Variants in OLAH observed in about 807,000 individuals in gnomAD.
OLAH encodes the protein oleoyl-ACP hydrolase.
Under a neutral mutation model 27.8 loss-of-function variants are expected in OLAH, and 33 were observed. That is an observed-to-expected ratio of 1.19 (90% CI 0.90 to 1.59). The LOEUF (loss-of-function observed/expected upper bound fraction) is 1.59. OLAH is among the 40% of genes most tolerant of loss of function. The probability of loss-of-function intolerance (pLI) is 0.00; values close to 1 mark genes in which losing one functional copy is unlikely to be tolerated. For synonymous variants in OLAH, 120 were observed against 102.9 expected, an observed-to-expected ratio of 1.17 and a Z score of -1.01; for missense variants, 359 against 310.8, an observed-to-expected ratio of 1.16 and a Z score of -1.17.
Position 15,073,035 on chromosome 10 carries a change from A to C in OLAH, c.656-52A>C, listed in dbSNP as rs1179359107. On this transcript the variant is annotated intron_variant, in intron 7 of 7. Transcript: ENST00000378228. The stretch of plus-strand genomic sequence containing the variant: ...TTAAAGAAATGATGTCTTGATGTGA[A>C]TCTTTAGTTGCTGTTGGTGTTGTTA... 4.5e-6 allele frequency: 7 copies of C among 1,558,062 alleles called. No homozygotes were observed. The African/African-American group carries it at 9.6e-5, about 21-fold the overall frequency.
chr10:15,051,342 G>A (rs7897179), intron 3 of OLAH, among the ~76,000 whole-genome samples: 16,680 of 152,150 alleles, frequency 0.11, 1,335 homozygotes, highest in African/African-American at 0.21. Flanking sequence ...AAAGTATATA[G>A]CATAAAAAGT....
chr10:15,049,712 G>A lies in OLAH; in HGVS notation c.110G>A (p.Gly37Asp), dbSNP rs1316158470. ...FKLICFPWMG[G>D]GSTHFAKWGQ... ...CTGATTTGCTTTCCCTGGATGGGAG[G>A]TGGCTCCACTCATTTTGCCAAATGG... Residue 37 changes from glycine to aspartate, a missense_variant, in exon 3 of 8, where the codon GGT (glycine) becomes GAT (aspartate). Transcript: ENST00000378228. The A allele has an allele frequency of 6.2e-7, 1 of 1,610,594 alleles. No homozygotes were observed. The highest frequency in any genetic ancestry group is 1.3e-5 in the African/African-American group (1 of 74,770).
intron 1 of OLAH, among the ~76,000 whole-genome samples, chr10:15,033,787 G>A (rs1158255346): frequency 1.3e-5 from 2 of 152,100 alleles, no homozygotes; most frequent in African/African-American, 2.4e-5. Flanking sequence ...GCAGGAAGGG[G>A]CTGAACTGAC....
upstream of OLAH, among the ~76,000 whole-genome samples, chr10:15,043,321 G>C (rs1354793696): frequency 2.0e-5 from 3 of 152,006 alleles, no homozygotes; most frequent in African/African-American, 7.2e-5. Context: ...AAGGGTGCTT[G>C]GTCCTTAGTG....
chr10:15,037,675 C>A (rs1399545173), intron 1 of OLAH, among the ~76,000 whole-genome samples: 2 of 152,096 alleles, frequency 1.3e-5, no homozygotes, highest in Non-Finnish European at 2.9e-5. Flanking sequence ...CTAGATGAAA[C>A]ACGACCCATT....
chr10:15,071,931 T>A (rs1288515506), intron 7 of OLAH, 54 bp downstream of exon 7: 4 of 1,405,982 alleles, frequency 2.8e-6, no homozygotes, highest in South Asian at 1.2e-5. Flanking sequence ...TTGATGGCTT[T>A]AAAATTTTTT....
At chr10:15,055,775 C>T (rs549602646) in intron 3 of OLAH, among the ~76,000 whole-genome samples, 24 of 152,174 alleles carry the variant, frequency 1.6e-4, no homozygotes, top group Middle Eastern at 3.4e-3. Context: ...TGAAGTCTCC[C>T]TCTCCATTTA....
chr10:15,049,509 A>G, intron 2 of OLAH, 126 bp from the exon 3 acceptor site: 1 of 607,104 alleles, frequency 1.6e-6, no homozygotes, highest in Non-Finnish European at 2.5e-6. Context: ...AAAAATTTGC[A>G]ATCACTTTAT....
upstream of OLAH, among the ~76,000 whole-genome samples, chr10:15,042,844 C>T (rs886331350): frequency 2.3e-5 from 3 of 130,448 alleles, no homozygotes; most frequent in Non-Finnish European, 3.2e-5. Context: ...TTCCTACCCA[C>T]GTGTCTTTTT....
At chr10:15,041,286 A>T (rs28396572), upstream of OLAH, among the ~76,000 whole-genome samples, 61,121 of 113,910 alleles carry the variant, frequency 0.54, 13,258 homozygotes, top group East Asian at 0.66. Flanking sequence ...TTTTATTTTT[A>T]TTTTTTTTGA....
upstream of OLAH, among the ~76,000 whole-genome samples, chr10:15,041,995 T>G (rs1244147888): frequency 6.6e-6 from 1 of 151,838 alleles, no homozygotes; most frequent in Non-Finnish European, 1.5e-5. Context: ...TTTTTCTGCT[T>G]GGTGTTTAAA....
rs574809029 is a variant in OLAH, at chr10:15,048,773, A to G, written c.33-862A>G. On this transcript the variant is annotated intron_variant, in intron 2 of 7. Coordinates refer to ENST00000378228, the MANE Select transcript of OLAH (RefSeq NM_001039702.3). ...GAATGTTATATATAGGTATTTGACT[A>G]TTTCACCTACATCCCTGAAAGTTTA... Among the ~76,000 whole-genome samples the G allele has an allele frequency of 3.3e-5, 5 of 152,258 alleles. No homozygotes were observed. In the South Asian group the frequency reaches 1.0e-3, roughly 32 times the overall value.
chr10:15,046,996 C>G (rs1306049143), intron 1 of OLAH, 130 bp from the exon 2 acceptor site: 1 of 308,694 alleles, frequency 3.2e-6, no homozygotes, highest in African/African-American at 2.1e-5. Flanking sequence ...GGTGGTGACT[C>G]CTTATCTGAA....
At chr10:15,071,543 AC>A in intron 6 of OLAH, 4 of 985,368 alleles carry the variant, frequency 4.1e-6, no homozygotes, top group Non-Finnish European at 4.8e-6. Context: ...CTTGAGTTGA[AC>A]TGTGTGCCCC....
At position 15,047,249 on chromosome 10, in the gene OLAH, C is replaced by T. The variant is rs371299803; in HGVS notation, c.-40C>T. ...ACTGACTTCTGTTGAGCACTCAACA[C>T]GCCACAGAGACCAGCCATCTTGCAA... On this transcript the variant is annotated 5_prime_UTR_variant, in exon 2 of 8. It adds an upstream start codon to the 5' untranslated region. Transcript: ENST00000378228. The T allele has an allele frequency of 8.7e-6, 14 of 1,610,326 alleles. No individual in the cohort carries two copies. The highest frequency in any genetic ancestry group is 1.6e-4 in the Middle Eastern group (1 of 6,076).
At chr10:15,041,201 C>T (rs1589235991), upstream of OLAH, among the ~76,000 whole-genome samples, 1 of 152,244 alleles carries the variant, frequency 6.6e-6, no homozygotes, top group South Asian at 2.1e-4. Context: ...CCATTATCAC[C>T]AGCACGATAG....
At chr10:15,055,502 G>C (rs1844228776) in intron 3 of OLAH, among the ~76,000 whole-genome samples, 2 of 152,058 alleles carry the variant, frequency 1.3e-5, no homozygotes, top group Admixed American at 1.3e-4. Context: ...CTACATGCTG[G>C]TAGCCAACAC....
At chr10:15,049,304 T>A (rs1168674197) in intron 2 of OLAH, among the ~76,000 whole-genome samples, 1 of 152,014 alleles carries the variant, frequency 6.6e-6, no homozygotes, top group Non-Finnish European at 1.5e-5. Context: ...AACCTAACTT[T>A]TAAATTTTTT....
intron 3 of OLAH, chr10:15,056,704 C>T (rs1844251970): frequency 9.3e-7 from 1 of 1,079,846 alleles, no homozygotes; most frequent in African/African-American, 1.6e-5. Context: ...GATCTTGGCT[C>T]ATTGCAGCCT....
Sources: gnomAD v4.1 joint callset for allele counts (sites outside exome capture counted in the v4.1 genomes callset) on GRCh38, gnomAD v4.1.1 for gene constraint, MANE v1.5 for transcripts, NCBI Gene and HGNC (gene_info 2026-07-23, HGNC 2026-07-21) for gene names.